SHISA6: variants seen among roughly 807,000 people sequenced by gnomAD.
The protein encoded by SHISA6 is protein shisa-6.
SHISA6 carries 22 observed loss-of-function variants against 47.9 expected under a neutral mutation model. The observed-to-expected ratio is 0.46, with a 90% CI of 0.33 to 0.66. SHISA6 has a LOEUF of 0.66. Among genes scored for constraint, SHISA6 ranks in the 30% least tolerant of loss-of-function variants. The pLI is 0.02. For missense variants in SHISA6, 680 were observed against 764.6 expected (o/e 0.89, Z 1.30); for synonymous variants, 388 against 337.8 (o/e 1.15, Z -1.63).
At chr17:11,464,111 CT>C (rs1270036079) in intron 3 of SHISA6, among the ~76,000 whole-genome samples, 1 of 151,982 alleles carries the variant, frequency 6.6e-6, no homozygotes, top group Non-Finnish European at 1.5e-5. Context: ...GAGATGGGGT[CT>C]TGCTATGTTG....
At chr17:11,252,690 A>G (rs564647644) in intron 1 of SHISA6, among the ~76,000 whole-genome samples, 3 of 152,282 alleles carry the variant, frequency 2.0e-5, no homozygotes, top group South Asian at 2.1e-4. Context: ...CTCAGATACA[A>G]TCACTAGGGA....
intron 1 of SHISA6, among the ~76,000 whole-genome samples, chr17:11,252,785 G>A (rs986450437): frequency 6.6e-6 from 1 of 152,218 alleles, no homozygotes; most frequent in Non-Finnish European, 1.5e-5. Context: ...GACAGGGCAT[G>A]TGGCTGGCTC....
chr17:11,526,951 C>T (rs2071692376), intron 3 of SHISA6, among the ~76,000 whole-genome samples: 1 of 137,314 alleles, frequency 7.3e-6, no homozygotes, highest in Non-Finnish European at 1.6e-5. Context: ...ATGATCAAAT[C>T]AGGGTATTTA....
chr17:11,389,489 T>G (rs1291601154), intron 3 of SHISA6, among the ~76,000 whole-genome samples: 7 of 152,176 alleles, frequency 4.6e-5, no homozygotes, highest in Non-Finnish European at 8.8e-5. Flanking sequence ...TGTCCCATAT[T>G]CCTCAGCATT....
intron 2 of SHISA6, among the ~76,000 whole-genome samples, chr17:11,374,833 A>G (rs1045180649): frequency 3.3e-5 from 5 of 151,888 alleles, no homozygotes; most frequent in Non-Finnish European, 7.4e-5. Flanking sequence ...TATTATATAT[A>G]ACACATATAT....
chr17:11,480,115 G>A (rs72809004), intron 3 of SHISA6, among the ~76,000 whole-genome samples: 11,114 of 152,072 alleles, frequency 0.073, 662 homozygotes, highest in African/African-American at 0.16. Context: ...TTCACTTCAC[G>A]CTCTTCTTGC....
intron 3 of SHISA6, among the ~76,000 whole-genome samples, chr17:11,399,966 A>C (rs1458962605): frequency 1.3e-5 from 2 of 152,150 alleles, no homozygotes; most frequent in Non-Finnish European, 2.9e-5. Flanking sequence ...GTGATACTAT[A>C]CACTTCCCAC....
Position 11,241,648 on chromosome 17 carries a change from C to T in SHISA6, c.226C>T (p.Gln76Ter). ...CCCGGAGGCGGGAAGCCGGCGGGGG[C>T]AGCCCGCGGCGGCTGTGGCGGCGGC... is the stretch of plus-strand genomic sequence containing the variant. ...GIPEAGSRRG[Q>*]PAAAVAAAAS... is the part of the protein sequence containing the mutation. The change falls in exon 1 of 6, where the codon CAG (glutamine) becomes TAG (stop). Residue 76 changes from glutamine to a stop codon, truncating the protein, a stop_gained. Transcript: ENST00000441885. LOFTEE classifies it high-confidence loss of function. This position sits in a 1 kb window ranked among gnomAD's most constrained non-coding sequence, Gnocchi z 5.5. The T allele has an allele frequency of 7.1e-7, 1 of 1,411,616 alleles. No individual in the cohort carries two copies. The highest frequency in any genetic ancestry group is 9.2e-7 in the Non-Finnish European group (1 of 1,091,350). The allele number at this position is 1,411,616 out of a possible 1,614,324, so 87.4% of individuals were successfully genotyped here.
chr17:11,524,124 A>C (rs772035966), intron 3 of SHISA6, among the ~76,000 whole-genome samples: 7 of 152,142 alleles, frequency 4.6e-5, no homozygotes, highest in Non-Finnish European at 1.0e-4. Context: ...AATAATACAC[A>C]TACTTTTCAG....
At chr17:11,340,906 G>A (rs529834594) in intron 2 of SHISA6, among the ~76,000 whole-genome samples, 4 of 152,354 alleles carry the variant, frequency 2.6e-5, no homozygotes, top group African/African-American at 7.2e-5. Context: ...GATACAGATT[G>A]GATCTGGGAG....
At chr17:11,527,277 A>G (rs557259072) in intron 3 of SHISA6, among the ~76,000 whole-genome samples, 1 of 152,302 alleles carries the variant, frequency 6.6e-6, no homozygotes, top group Admixed American at 6.5e-5. Context: ...ATTAAATAAT[A>G]TAGTAGATCA....
chr17:11,399,524 C>T (rs756010944), intron 3 of SHISA6, among the ~76,000 whole-genome samples: 13 of 152,156 alleles, frequency 8.5e-5, no homozygotes, highest in African/African-American at 2.4e-4. Flanking sequence ...TGGGTTCAAA[C>T]GATTCTCCTG....
At chr17:11,323,617 G>A (rs1392972672) in intron 2 of SHISA6, among the ~76,000 whole-genome samples, 1 of 151,894 alleles carries the variant, frequency 6.6e-6, no homozygotes, top group Non-Finnish European at 1.5e-5. Context: ...TCGCGCCATT[G>A]CACTCCATCC....
intron 3 of SHISA6, among the ~76,000 whole-genome samples, chr17:11,482,910 T>C (rs1417592815): frequency 6.6e-6 from 1 of 152,134 alleles, no homozygotes; most frequent in Non-Finnish European, 1.5e-5. Flanking sequence ...TAACTACTTA[T>C]AGAGTTAAAT....
intron 2 of SHISA6, among the ~76,000 whole-genome samples, chr17:11,340,746 G>T (rs1911494519): frequency 6.6e-6 from 1 of 152,182 alleles, no homozygotes; most frequent in Non-Finnish European, 1.5e-5. Context: ...CCCAATTACA[G>T]GAAGGCTACC....
At chr17:11,505,279 A>G (rs1346506281) in intron 3 of SHISA6, among the ~76,000 whole-genome samples, 1 of 152,192 alleles carries the variant, frequency 6.6e-6, no homozygotes, top group Non-Finnish European at 1.5e-5. Context: ...TTCACACACT[A>G]TAGTCATTTG....
intron 2 of SHISA6, among the ~76,000 whole-genome samples, chr17:11,274,894 A>T (rs1330486806): frequency 6.6e-6 from 1 of 152,122 alleles, no homozygotes; most frequent in East Asian, 1.9e-4. Flanking sequence ...CTTGAAGGGC[A>T]GGTAAGATTG....
intron 1 of SHISA6, among the ~76,000 whole-genome samples, chr17:11,251,544 G>C (rs1055346392): frequency 6.6e-6 from 1 of 151,910 alleles, no homozygotes; most frequent in Non-Finnish European, 1.5e-5. Context: ...TTTGGGAGGC[G>C]GTATGGACCT....
At chr17:11,482,573 C>T (rs4792143) in intron 3 of SHISA6, among the ~76,000 whole-genome samples, 27,598 of 152,164 alleles carry the variant, frequency 0.18, 2,664 homozygotes, top group Middle Eastern at 0.29. Context: ...TGAAAAAGCT[C>T]ACAAGACTAT....
Sources: allele counts gnomAD v4.1 joint callset (sites outside exome capture counted in the v4.1 genomes callset), GRCh38; gene constraint gnomAD v4.1.1; non-coding constraint Gnocchi (gnomAD v3.1); transcripts MANE v1.5; gene names NCBI Gene and HGNC (gene_info 2026-07-23, HGNC 2026-07-21).